Variants in CNBD1 observed in about 807,000 individuals in gnomAD.
CNBD1 encodes the protein cyclic nucleotide-binding domain-containing protein 1.
Under a neutral mutation model 54.4 loss-of-function variants are expected in CNBD1, and 71 were observed. The observed-to-expected ratio is 1.30, with a 90% CI of 1.08 to 1.59. CNBD1 has a LOEUF of 1.59. Among genes scored for constraint, CNBD1 ranks in the 40% most tolerant of loss-of-function variants. The pLI, the probability that CNBD1 is intolerant of heterozygous loss-of-function variation, is 0.00. For missense variants in CNBD1, 659 were observed against 518.0 expected, an observed-to-expected ratio of 1.27 and a Z score of -2.64; for synonymous variants, 182 against 170.7, an observed-to-expected ratio of 1.07 and a Z score of -0.51.
intron 4 of CNBD1, among the ~76,000 whole-genome samples, chr8:87,133,247 A>G (rs1006001316): frequency 1.3e-5 from 2 of 151,974 alleles, no homozygotes; most frequent in Non-Finnish European, 2.9e-5. Flanking sequence ...TCTTAGTTTC[A>G]ATGTATGTTG....
chr8:87,275,522 A>G (rs1268622549), intron 6 of CNBD1, among the ~76,000 whole-genome samples: 1 of 132,868 alleles, frequency 7.5e-6, no homozygotes, highest in African/African-American at 2.5e-5. Flanking sequence ...AAATTCAACA[A>G]CACTTCATGC....
intron 4 of CNBD1, among the ~76,000 whole-genome samples, chr8:87,127,560 T>C (rs943751586): frequency 4.6e-5 from 7 of 152,310 alleles, no homozygotes; most frequent in African/African-American, 1.7e-4. Flanking sequence ...TTCATAGGTT[T>C]CTTTGGATTT....
intron 2 of CNBD1, among the ~76,000 whole-genome samples, chr8:87,415,080 C>G (rs1807813953): frequency 6.6e-6 from 1 of 152,074 alleles, no homozygotes; most frequent in Admixed American, 6.6e-5. Context: ...GTAGCTGGAA[C>G]TCATTGCTGT....
intron 10 of CNBD1, among the ~76,000 whole-genome samples, chr8:87,365,322 C>A (rs762705218): frequency 2.6e-5 from 4 of 151,696 alleles, no homozygotes; most frequent in African/African-American, 7.3e-5. Flanking sequence ...CTGTTCATGT[C>A]TTTTGCTCAG....
chr8:86,869,823 T>C (rs2453438), intron 1 of CNBD1, among the ~76,000 whole-genome samples: 135,946 of 151,946 alleles, frequency 0.89, 61,092 homozygotes, highest in African/African-American at 0.97. Flanking sequence ...CCTGAAGAGA[T>C]AGAAAAAAAG....
rs1554588016 is a variant in CNBD1, at chr8:87,411,397, C to CATATATACATATATATATATAT, written c.214-17142_214-17141insCATATATATATATATATATATA. Among the ~76,000 whole-genome samples, 219 of 92,382 alleles carry CATATATACATATATATATATAT rather than the reference C, an allele frequency of 2.4e-3. 7 individuals carry two copies. The highest frequency in any genetic ancestry group is 8.8e-3 in the African/African-American group (202 of 23,030). 60.6% of individuals were successfully genotyped at this position (92,382 alleles called of 152,430 possible). A position where few individuals can be genotyped will look rare whatever the true frequency, so the allele number is the denominator to read the frequency against. On this transcript the variant is annotated intron_variant, in intron 2 of 7. Coordinates refer to the CNBD1 transcript ENST00000521593. ...ATAGGCAGGATTAACCTAGCTATATCATATATATATATATATATATATATA... is the reference window on the plus strand; with the variant it reads ...ATAGGCAGGATTAACCTAGCTATATCATATATACATATATATATATATATATATATATATATATATATATATA...
chr8:87,339,399 C>T (rs1393273899), intron 8 of CNBD1, among the ~76,000 whole-genome samples: 2 of 152,168 alleles, frequency 1.3e-5, no homozygotes, highest in Non-Finnish European at 2.9e-5. Flanking sequence ...ATGGAAATTT[C>T]AGCTTATGGG....
chr8:87,341,519 A>C (rs750343441), intron 8 of CNBD1, among the ~76,000 whole-genome samples: 1 of 152,152 alleles, frequency 6.6e-6, no homozygotes, highest in East Asian at 1.9e-4. Context: ...CTATGGTTTG[A>C]ATCTTTGCCA....
chr8:87,333,319 A>G (rs1343963644), intron 8 of CNBD1, among the ~76,000 whole-genome samples: 1 of 152,188 alleles, frequency 6.6e-6, no homozygotes, highest in African/African-American at 2.4e-5. Context: ...GTTGTCTGCA[A>G]ACAGAGACAA....
At chr8:87,156,854 C>G (rs1417476801) in intron 4 of CNBD1, among the ~76,000 whole-genome samples, 2 of 151,976 alleles carry the variant, frequency 1.3e-5, no homozygotes, top group Non-Finnish European at 2.9e-5. Flanking sequence ...GAATTCTACT[C>G]AGAAAGTAAA....
chr8:87,020,586 T>C (rs943354923), intron 4 of CNBD1, among the ~76,000 whole-genome samples: 5 of 152,160 alleles, frequency 3.3e-5, no homozygotes, highest in Non-Finnish European at 7.3e-5. Context: ...CTACAAACCA[T>C]AAATTCTCAT....
chr8:87,049,219 A>T (rs1810262464), intron 4 of CNBD1, among the ~76,000 whole-genome samples: 1 of 152,116 alleles, frequency 6.6e-6, no homozygotes, highest in Non-Finnish European at 1.5e-5. Flanking sequence ...CACCCTTCTC[A>T]TGTACTCTGC....
chr8:87,269,431 G>T (rs1586379164), intron 6 of CNBD1, among the ~76,000 whole-genome samples: 1 of 151,912 alleles, frequency 6.6e-6, no homozygotes, highest in Non-Finnish European at 1.5e-5. Flanking sequence ...TATGAATTTT[G>T]TAATTGTTTT....
chr8:86,879,821 G>T (rs899546503), intron 1 of CNBD1, among the ~76,000 whole-genome samples: 6 of 152,012 alleles, frequency 3.9e-5, no homozygotes, highest in African/African-American at 1.5e-4. Context: ...GCAGTGAGCC[G>T]AGATTGTGCC....
chr8:86,903,697 G>A (rs1020479476), intron 2 of CNBD1, among the ~76,000 whole-genome samples: 1 of 151,960 alleles, frequency 6.6e-6, no homozygotes, highest in Non-Finnish European at 1.5e-5. Context: ...TTGTGCAGAA[G>A]GGTCAATAAA....
chr8:86,881,720 G>A (rs1193043742), intron 1 of CNBD1, among the ~76,000 whole-genome samples: 3 of 152,032 alleles, frequency 2.0e-5, no homozygotes, highest in African/African-American at 7.2e-5. Flanking sequence ...GCAATCTTAA[G>A]CAAAAAGAAA....
intron 6 of CNBD1, among the ~76,000 whole-genome samples, chr8:87,281,301 G>A (rs1433856412): frequency 1.3e-5 from 2 of 150,868 alleles, no homozygotes; most frequent in Non-Finnish European, 3.0e-5. Context: ...ACAAATACAA[G>A]GAGGTTGGAG....
chr8:87,424,964 G>T (rs1348478231), intron 2 of CNBD1, among the ~76,000 whole-genome samples: 2 of 152,112 alleles, frequency 1.3e-5, no homozygotes, highest in East Asian at 1.9e-4. Context: ...ACACCAATCA[G>T]ACGTAGATTT....
chr8:87,218,588 G>A (rs1814263031), intron 5 of CNBD1, among the ~76,000 whole-genome samples: 1 of 151,828 alleles, frequency 6.6e-6, no homozygotes, highest in Non-Finnish European at 1.5e-5. Context: ...AAACTTTTGG[G>A]AGAAATATAT....
Sources: gnomAD v4.1 joint callset for allele counts (sites outside exome capture counted in the v4.1 genomes callset) on GRCh38, gnomAD v4.1.1 for gene constraint, MANE v1.5 for transcripts, NCBI Gene and HGNC (gene_info 2026-07-23, HGNC 2026-07-21) for gene names.